Variants in GPR180 observed in about 807,000 individuals in gnomAD.
GPR180 encodes the protein integral membrane protein GPR180.
Under a neutral mutation model 52.6 loss-of-function variants are expected in GPR180, and 53 were observed. The ratio of observed to expected loss-of-function variants is 1.01; its 90% CI spans 0.81 to 1.27. GPR180 has a LOEUF of 1.27. GPR180 is among the 50% of genes most tolerant of loss of function. The pLI is 0.00. For synonymous variants in GPR180, 200 were observed against 193.1 expected (o/e 1.04, Z -0.30); for missense variants, 533 against 527.0 (o/e 1.01, Z -0.11).
At position 94,627,154 on chromosome 13, in the gene GPR180, A is replaced by C; in HGVS notation, c.1306A>C (p.Ser436Arg). Residue 436 changes from serine (S) to arginine (R), a missense_variant, in exon 9 of 9, where the codon AGT becomes CGT. By Grantham distance (110) the Ser-to-Arg change is moderately radical. Transcript: ENST00000376958. Reference protein sequence around the residue: ...LPLTISSGHKSRPHF With the variant: ...LPLTISSGHKRRPHF ...ACTGACCATATCATCTGGACACAAA[A>C]GTCGCCCTCATTTCTGATACTTGAT... 6.2e-7 allele frequency: 1 copy of C among 1,612,428 alleles called. No homozygotes were observed. Among genetic ancestry groups the C allele is most frequent in the Non-Finnish European group, 8.5e-7 (1 of 1,179,420 alleles).
intron 1 of GPR180, among the ~76,000 whole-genome samples, chr13:94,602,728 G>A (rs1889576479): frequency 6.6e-6 from 1 of 152,066 alleles, no homozygotes. Flanking sequence ...AATCAGAGTT[G>A]CGTTTGATTT....
rs59070049 is a variant in GPR180 at position 94,602,502 on chromosome 13, T to TTA, written c.145+430_145+431insTA. Among the ~76,000 whole-genome samples the TTA allele has an allele frequency of 2.9e-4, 44 of 149,828 alleles. No homozygotes were observed. The South Asian group carries it at 6.8e-3, about 23-fold the overall frequency. On this transcript the variant is annotated intron_variant, in intron 1 of 8. Coordinates refer to ENST00000376958, the MANE Select transcript of GPR180 (RefSeq NM_180989.6). The stretch of plus-strand genomic sequence containing the variant: ...ATTTCCTTTTTTTTTTTTTTTTTTT[T>TTA]AAAGACCAATTTCCTGAGACCTACT...
chr13:94,603,366 G>A (rs1250390095), intron 1 of GPR180, among the ~76,000 whole-genome samples: 1 of 152,176 alleles, frequency 6.6e-6, no homozygotes, highest in Admixed American at 6.5e-5. Flanking sequence ...AGACTTGGAC[G>A]ACCTCATAGT....
In GPR180 at chr13:94,623,298, A is replaced by G. The variant is rs753345579; in HGVS notation, c.1084A>G (p.Lys362Glu). ...LKREFYITFA[K>E]GCILWFLCHP... ...AAGGGAGTTCTACATCACATTTGCC[A>G]AAGTATGGGTTTGGAAAGAAAATCG... Residue 362 changes from lysine (K) to glutamate (E), a missense_variant and splice_region_variant, in exon 7 of 9, where the codon AAA becomes GAA. Coordinates refer to ENST00000376958, the MANE Select transcript of GPR180 (RefSeq NM_180989.6). The G allele has an allele frequency of 1.9e-5, 31 of 1,608,936 alleles. No individual in the cohort carries two copies. Among genetic ancestry groups the G allele is most frequent in the Non-Finnish European group, 2.2e-5 (26 of 1,176,720 alleles).
intron 6 of GPR180, among the ~76,000 whole-genome samples, chr13:94,622,008 G>GAA (rs35560920): frequency 1.3e-5 from 2 of 152,106 alleles, no homozygotes; most frequent in Admixed American, 1.3e-4. Context: ...TAAATAAATT[G>GAA]AAAAATGTAT....
In GPR180 at chr13:94,633,080, C is replaced by T. The variant is rs1458755148; in HGVS notation, c.*5909C>T. Reference sequence around the variant, plus strand: ...ATTTGTATCCTTTTGCTATAATAAACTGTAATAGTACGCATAGCACTTTGC... The same window carrying T: ...ATTTGTATCCTTTTGCTATAATAAATTGTAATAGTACGCATAGCACTTTGC... On this transcript the variant is annotated 3_prime_UTR_variant, in exon 9 of 9. Coordinates refer to ENST00000376958, the MANE Select transcript of GPR180 (RefSeq NM_180989.6). The T allele has an allele frequency of 6.6e-6, 1 of 152,188 alleles. No individual in the cohort carries two copies. The highest frequency in any genetic ancestry group is 1.5e-5 in the Non-Finnish European group (1 of 68,042). 9.4% of individuals were successfully genotyped at this position (152,188 alleles called of 1,614,324 possible).
intron 3 of GPR180, among the ~76,000 whole-genome samples, chr13:94,617,704 A>G (rs1446569669): frequency 6.6e-6 from 1 of 152,138 alleles, no homozygotes; most frequent in East Asian, 1.9e-4. Context: ...TTTTCCACAT[A>G]ATAGAAATAT....
intron 3 of GPR180, among the ~76,000 whole-genome samples, chr13:94,616,135 G>T (rs1430211621): frequency 6.6e-6 from 1 of 152,192 alleles, no homozygotes; most frequent in Non-Finnish European, 1.5e-5. Flanking sequence ...GCAATATTCA[G>T]TATCACTTTT....
intron 1 of GPR180, among the ~76,000 whole-genome samples, chr13:94,603,533 T>TGAAATAATCCC (rs1889587405): frequency 6.6e-6 from 1 of 152,190 alleles, no homozygotes; most frequent in Non-Finnish European, 1.5e-5. Context: ...CCCAATTCAG[T>TGAAATAATCCC]AAAATAATAA....
intron 3 of GPR180, 49 bp from the exon 4 acceptor site, chr13:94,619,101 A>G: frequency 6.7e-7 from 1 of 1,488,742 alleles, no homozygotes; most frequent in Non-Finnish European, 9.2e-7. Context: ...GCCCAATACG[A>G]TAACTGGCTT....
At chr13:94,619,000 T>A in intron 3 of GPR180, 150 bp from the exon 4 acceptor site, 1 of 651,852 alleles carries the variant, frequency 1.5e-6, no homozygotes, top group East Asian at 2.9e-5. Flanking sequence ...GTTTAAGTTT[T>A]AATAATTTTT....
chr13:94,612,670 TTTTG>T (rs1310095935), intron 3 of GPR180, among the ~76,000 whole-genome samples: 3 of 152,310 alleles, frequency 2.0e-5, no homozygotes, highest in Admixed American at 1.3e-4. Context: ...AATTGTATAG[TTTTG>T]TTTGTTTGCT....
Position 94,633,577 on chromosome 13 carries a change from AT to A in GPR180, c.*6409del, listed in dbSNP as rs1207959992. The A allele has an allele frequency of 6.6e-6, 1 of 151,692 alleles. No homozygotes were observed. The highest frequency in any genetic ancestry group is 1.5e-5 in the Non-Finnish European group (1 of 67,928). 9.4% of individuals were successfully genotyped at this position (151,692 alleles called of 1,614,324 possible). The stretch of plus-strand genomic sequence containing the variant: ...TGGGTTGGTTGTCTTTTTCTTATTG[AT>A]TTGTTAAAACTCTTTATAACAGAAA... On this transcript the variant is annotated 3_prime_UTR_variant, in exon 9 of 9. Transcript: ENST00000376958.
chr13:94,601,868 T>G lies in GPR180; in HGVS notation c.-60T>G, dbSNP rs907490212. The G allele has an allele frequency of 1.2e-5, 16 of 1,324,286 alleles. No individual in the cohort carries two copies. The highest frequency in any genetic ancestry group is 1.5e-5 in the Non-Finnish European group (16 of 1,034,990). The allele number at this position is 1,324,286 out of a possible 1,614,324, so 82.0% of individuals were successfully genotyped here. On this transcript the variant is annotated 5_prime_UTR_variant, in exon 1 of 9. Transcript: ENST00000376958. ...ACCCCGCCTCCCCCAGCTGCCGACG[T>G]GGGGCGGGCAGCCGCCGGCGGCTGG...
At position 94,602,034 on chromosome 13, in the gene GPR180, A is replaced by G; in HGVS notation, c.107A>G (p.Asp36Gly). 1 of 1,455,272 alleles carries G rather than the reference A, an allele frequency of 6.9e-7. No homozygotes were observed. Among genetic ancestry groups the G allele is most frequent in the Non-Finnish European group, 9.1e-7 (1 of 1,104,090 alleles). The allele number at this position is 1,455,272 out of a possible 1,614,324, so 90.1% of individuals were successfully genotyped here. The change falls in exon 1 of 9, where the codon GAC becomes GGC. Residue 36 changes from aspartate to glycine, a missense_variant. Coordinates refer to ENST00000376958, the MANE Select transcript of GPR180 (RefSeq NM_180989.6). ...AGCTTCAGCAGCACCGCGGCCCAGG[A>G]CGCCCAGGGCCAGCGCATCGGCCAC... ...RGSFSSTAAQ[D>G]AQGQRIGHFE...
In GPR180 at chr13:94,621,250, TCA is replaced by T. The variant is rs1491525702; in HGVS notation, c.894+16_894+17del. 9 of 1,553,694 alleles carry T rather than the reference TCA, an allele frequency of 5.8e-6. No homozygotes were observed. The African/African-American group carries it at 1.1e-4, about 19-fold the overall frequency. The stretch of plus-strand genomic sequence containing the variant: ...TCATGACACAGGTGGGTATTGATAC[TCA>T]GTGTTTCTGCTTAGTAATCCTCAGA... On this transcript the variant is annotated intron_variant, in intron 6 of 8. Coordinates refer to ENST00000376958, the MANE Select transcript of GPR180 (RefSeq NM_180989.6).
In GPR180 at chr13:94,633,092, G is replaced by A. The variant is rs1890020884; in HGVS notation, c.*5921G>A. 6.6e-6 allele frequency: 1 copy of A among 152,112 alleles called. No individual in the cohort carries two copies. The highest frequency in any genetic ancestry group is 2.1e-4 in the South Asian group (1 of 4,816). 9.4% of individuals were successfully genotyped at this position (152,112 alleles called of 1,614,324 possible). ...TTGCTATAATAAACTGTAATAGTAC[G>A]CATAGCACTTTGCTGAGTTCTGTGA... On this transcript the variant is annotated 3_prime_UTR_variant, in exon 9 of 9. Transcript: ENST00000376958.
rs1313875915 is a variant in GPR180, at chr13:94,605,424, A to G, written c.179A>G (p.Asn60Ser). ...DHALLCVRINNIAVAVGKEAK... is the reference protein window; with the variant it reads ...DHALLCVRINSIAVAVGKEAK... ...GCTCTTCTGTGTGTCAGAATCAACA[A>G]CATAGCAGTAGCTGTTGGAAAAGAA... The change falls in exon 2 of 9, where the codon AAC becomes AGC. Residue 60 changes from asparagine to serine, a missense_variant. Asn to Ser is a conservative substitution (Grantham distance 46). Transcript: ENST00000376958. The G allele has an allele frequency of 2.0e-5, 32 of 1,614,136 alleles. No homozygotes were observed. The highest frequency in any genetic ancestry group is 2.6e-5 in the Non-Finnish European group (31 of 1,179,998).
In GPR180 at chr13:94,632,632, C is replaced by G. The variant is rs1566987229; in HGVS notation, c.*5461C>G. ...GACTTCCTTCCCTCCTCCCAAAATG[C>G]CTCCACTCCAGGTTCCAGGTCTAGA... On this transcript the variant is annotated 3_prime_UTR_variant, in exon 9 of 9. Transcript: ENST00000376958. 6.6e-6 allele frequency: 1 copy of G among 152,164 alleles called. No homozygotes were observed. The highest frequency in any genetic ancestry group is 1.5e-5 in the Non-Finnish European group (1 of 68,050). The allele number at this position is 152,164 out of a possible 1,614,324, so 9.4% of individuals were successfully genotyped here.
Sources: gnomAD v4.1 joint callset for allele counts (sites outside exome capture counted in the v4.1 genomes callset) on GRCh38, gnomAD v4.1.1 for gene constraint, MANE v1.5 for transcripts, NCBI Gene and HGNC (gene_info 2026-07-23, HGNC 2026-07-21) for gene names.